Variants in HLCS observed in about 807,000 individuals in gnomAD.
HLCS encodes the protein holocarboxylase synthetase.
HLCS carries 53 observed loss-of-function variants against 75.0 expected under a neutral mutation model. The observed-to-expected ratio is 0.71, with a 90% CI of 0.57 to 0.89. The LOEUF (loss-of-function observed/expected upper bound fraction) is 0.89. Ranked by LOEUF, HLCS falls within the 40% of genes least tolerant of loss-of-function variation. The pLI is 0.00. For missense variants in HLCS, 966 were observed against 1,074.0 expected (o/e 0.90, Z 1.41); for synonymous variants, 431 against 428.6 (o/e 1.01, Z -0.07).
intron 10 of HLCS, 53 bp downstream of exon 10, chr21:36,756,489 T>C: frequency 1.8e-6 from 1 of 551,626 alleles, no homozygotes; most frequent in Non-Finnish European, 3.5e-6. Flanking sequence ...GATACAGAAC[T>C]ACTAAGATAC....
chr21:36,831,505 C>G (rs1256826255), intron 6 of HLCS, among the ~76,000 whole-genome samples: 1 of 152,102 alleles, frequency 6.6e-6, no homozygotes, highest in East Asian at 1.9e-4. Flanking sequence ...CATGGTGAAA[C>G]CCTGTCTCTA....
intron 6 of HLCS, among the ~76,000 whole-genome samples, chr21:36,828,614 G>C (rs892662217): frequency 1.3e-5 from 2 of 151,962 alleles, no homozygotes; most frequent in Non-Finnish European, 2.9e-5. Flanking sequence ...CATTAGAAGG[G>C]GTTCTTCCAT....
chr21:36,936,964 C>T lies in HLCS; in HGVS notation c.922G>A (p.Ala308Thr). The T allele has an allele frequency of 1.2e-6, 2 of 1,614,096 alleles. No homozygotes were observed. The highest frequency in any genetic ancestry group is 1.7e-6 in the Non-Finnish European group (2 of 1,180,022). The change falls in exon 4 of 11, where the codon GCA becomes ACA. Residue 308 changes from alanine to threonine, a missense_variant. Ala to Thr is a moderately conservative substitution (Grantham distance 58). Transcript: ENST00000674895. ...EGRRVNLTGK[A>T]PNILLYVGSD... ...CCCACATAGAGGAGGATGTTGGGTG[C>T]CTTTCCCGTGAGGTTGACTCTCCTC...
intron 6 of HLCS, among the ~76,000 whole-genome samples, chr21:36,856,603 T>C (rs2063201927): frequency 6.6e-6 from 1 of 151,518 alleles, no homozygotes; most frequent in Non-Finnish European, 1.5e-5. Context: ...TAAGAAAGCA[T>C]AAAAACATAA....
rs1569122468 is a variant in HLCS at position 36,868,258 on chromosome 21, A to AAG, written c.1892+28601_1892+28602insCT. Among the ~76,000 whole-genome samples, 352 of 148,922 alleles carry AAG rather than the reference A, an allele frequency of 2.4e-3. 1 individual carries two copies. Among genetic ancestry groups the AAG allele is most frequent in the African/African-American group, 8.4e-3 (333 of 39,830 alleles). On this transcript the variant is annotated intron_variant, in intron 6 of 10. Transcript: ENST00000674895. ...GAAAGAGAAAGAAAGAAAGAAAGAG[A>AAG]GAAGGAAGGAAGGAAGGAAAGAAAG...
At position 36,798,806 on chromosome 21, in the gene HLCS, A is replaced by G. The variant is rs576558433; in HGVS notation, c.1893-31521T>C. Among the ~76,000 whole-genome samples the G allele has an allele frequency of 1.2e-3, 184 of 152,320 alleles. 2 individuals carry two copies. Among genetic ancestry groups the G allele is most frequent in the African/African-American group, 4.1e-3 (171 of 41,578 alleles). ...GACTGGTGACACTGAGCATTTTCTC[A>G]TGTGCCTTTAGGAATTTATAAATTT... On this transcript the variant is annotated intron_variant, in intron 6 of 10. Coordinates refer to ENST00000674895, the MANE Select transcript of HLCS (RefSeq NM_001352514.2).
intron 6 of HLCS, among the ~76,000 whole-genome samples, chr21:36,793,871 C>T (rs2060947986): frequency 6.6e-6 from 1 of 152,174 alleles, no homozygotes; most frequent in African/African-American, 2.4e-5. Flanking sequence ...AGTTACTTAA[C>T]CTCTCCCATC....
intron 6 of HLCS, among the ~76,000 whole-genome samples, chr21:36,798,364 T>A (rs1360228272): frequency 6.6e-6 from 1 of 152,274 alleles, no homozygotes; most frequent in African/African-American, 2.4e-5. Flanking sequence ...TTGCTTGGAT[T>A]CCTAGTTGTA....
chr21:36,950,394 C>T (rs545844787), intron 2 of HLCS, among the ~76,000 whole-genome samples: 8 of 152,058 alleles, frequency 5.3e-5, no homozygotes, highest in African/African-American at 9.6e-5. Context: ...GTGGAACATA[C>T]GTGCATTGAA....
chr21:36,767,480 A>T (rs2090081577), intron 6 of HLCS, among the ~76,000 whole-genome samples, 195 bp from the exon 7 acceptor site: 1 of 152,190 alleles, frequency 6.6e-6, no homozygotes, highest in Non-Finnish European at 1.5e-5. Flanking sequence ...GGTCGTGAGA[A>T]TGAAAGAGAT....
chr21:36,846,865 G>C (rs961622110), intron 6 of HLCS, among the ~76,000 whole-genome samples: 7 of 152,080 alleles, frequency 4.6e-5, no homozygotes, highest in African/African-American at 1.4e-4. Context: ...AACAAACCCC[G>C]TCTTGGCTCG....
intron 6 of HLCS, among the ~76,000 whole-genome samples, chr21:36,790,036 A>G (rs2060809901): frequency 6.6e-6 from 1 of 152,000 alleles, no homozygotes; most frequent in Non-Finnish European, 1.5e-5. Flanking sequence ...TCTAATGTAC[A>G]CTCCCACTGG....
chr21:36,980,204 A>AAAG, intron 1 of HLCS, among the ~76,000 whole-genome samples: 1 of 151,636 alleles, frequency 6.6e-6, no homozygotes, highest in South Asian at 2.1e-4. Context: ...TTTAAAAAAA[A>AAAG]AAAAAATAGG....
chr21:36,930,706 C>T (rs1407332116), intron 4 of HLCS, among the ~76,000 whole-genome samples: 1 of 152,090 alleles, frequency 6.6e-6, no homozygotes, highest in East Asian at 1.9e-4. Flanking sequence ...TAGCTCATAG[C>T]TTTGCTCTCC....
chr21:36,840,774 G>A (rs370652405), intron 6 of HLCS, among the ~76,000 whole-genome samples: 1 of 151,948 alleles, frequency 6.6e-6, no homozygotes, highest in African/African-American at 2.4e-5. Context: ...CACCACGCCT[G>A]GCTAATTTTT....
intron 6 of HLCS, among the ~76,000 whole-genome samples, chr21:36,810,265 G>A (rs2061474924): frequency 6.6e-6 from 1 of 152,224 alleles, no homozygotes; most frequent in Admixed American, 6.5e-5. Flanking sequence ...ATGACTGTTA[G>A]TTCTTTTGGT....
Position 36,966,556 on chromosome 21 carries a change from C to T in HLCS, c.83G>A (p.Arg28Gln). The stretch of plus-strand genomic sequence containing the variant: ...GAAGGAACAGCGCGAGGCACGCAGC[C>T]GCCGCACCGTGGCGCGCACGAGCTC... ...PAELVRATVR[R>Q]LRASRCSFTF... Residue 28 changes from arginine to glutamine, a missense_variant, in exon 1 of 11, where the codon CGG becomes CAG. Arg to Gln is a conservative substitution (Grantham distance 43). Transcript: ENST00000674895. 1 of 1,001,572 alleles carries T rather than the reference C, an allele frequency of 1.0e-6. No homozygotes were observed. The highest frequency in any genetic ancestry group is 1.2e-6 in the Non-Finnish European group (1 of 842,666). 62.0% of individuals were successfully genotyped at this position (1,001,572 alleles called of 1,614,324 possible).
chr21:36,869,436 C>T (rs1056381806), intron 6 of HLCS, among the ~76,000 whole-genome samples: 3 of 152,116 alleles, frequency 2.0e-5, no homozygotes, highest in South Asian at 2.1e-4. Context: ...CCAGCCCAAA[C>T]GATGTTTAAT....
intron 6 of HLCS, among the ~76,000 whole-genome samples, chr21:36,869,683 A>T (rs1417847470): frequency 6.6e-6 from 1 of 152,204 alleles, no homozygotes; most frequent in Non-Finnish European, 1.5e-5. Context: ...TGCTTAGTAC[A>T]ATTAAATTAT....
Sources: gnomAD v4.1 joint callset for allele counts (sites outside exome capture counted in the v4.1 genomes callset) on GRCh38, gnomAD v4.1.1 for gene constraint, MANE v1.5 for transcripts, NCBI Gene and HGNC (gene_info 2026-07-23, HGNC 2026-07-21) for gene names.